Variants in NBEA observed in about 807,000 individuals in gnomAD.
NBEA encodes lysosomal-trafficking regulator 2.
Under a neutral mutation model 343.4 loss-of-function variants are expected in NBEA, and 44 were observed. The observed-to-expected ratio is 0.13, with a 90% CI of 0.10 to 0.16. The LOEUF is 0.16. Among genes scored for constraint, NBEA ranks in the 10% least tolerant of loss-of-function variants. The pLI is 1.00. For missense variants in NBEA, 2,555 were observed against 3,631.3 expected, an observed-to-expected ratio of 0.70 and a Z score of 7.62; for synonymous variants, 1,175 against 1,238.7, an observed-to-expected ratio of 0.95 and a Z score of 1.08.
chr13:34,983,903 A>G (rs186459145), intron 1 of NBEA, among the ~76,000 whole-genome samples: 1 of 152,256 alleles, frequency 6.6e-6, no homozygotes, highest in East Asian at 1.9e-4. Flanking sequence ...AGTTCTTTGT[A>G]GATTGTGGAT....
chr13:35,475,371 G>C, intron 41 of NBEA: 1 of 1,613,926 alleles, frequency 6.2e-7, no homozygotes, highest in Non-Finnish European at 8.5e-7. Flanking sequence ...GATCCCTTAA[G>C]GTTTTGAGGA....
intron 26 of NBEA, among the ~76,000 whole-genome samples, chr13:35,173,119 G>GA (rs1365484663): frequency 4.2e-5 from 1 of 23,562 alleles, no homozygotes; most frequent in Non-Finnish European, 1.3e-4. Context: ...TGAATTTTAT[G>GA]TTTAAAATAT....
rs1358075194 is a variant in NBEA at position 35,596,781 on chromosome 13, A to C, written c.7296+3334A>C. 3.9e-5 allele frequency among the ~76,000 whole-genome samples: 6 copies of C among 152,288 alleles called. No individual in the cohort carries two copies. The East Asian group carries it at 1.2e-3, about 29-fold the overall frequency. ...AGATGTCAGAAAAGGTAGCTGTGAC[A>C]AAATGTCATTAAGGTGACATAGTGT... On this transcript the variant is annotated intron_variant, in intron 47 of 58. Coordinates refer to ENST00000379939, the MANE Select transcript of NBEA (RefSeq NM_001385012.1).
chr13:35,212,435 C>G (rs914206793), intron 33 of NBEA, among the ~76,000 whole-genome samples: 1 of 151,838 alleles, frequency 6.6e-6, no homozygotes, highest in Non-Finnish European at 1.5e-5. Context: ...TTTTCCATTT[C>G]TTAGTTATTA....
intron 38 of NBEA, among the ~76,000 whole-genome samples, chr13:35,425,603 C>G (rs1289218162): frequency 6.6e-6 from 1 of 152,112 alleles, no homozygotes; most frequent in Non-Finnish European, 1.5e-5. Context: ...TGGTGTGGTG[C>G]TGAAAAGAAT....
chr13:34,951,923 TA>T (rs1328383199), intron 1 of NBEA, among the ~76,000 whole-genome samples: 1 of 152,232 alleles, frequency 6.6e-6, no homozygotes, highest in Non-Finnish European at 1.5e-5. Flanking sequence ...TTTTAGAAAC[TA>T]ACATTAGCCT....
chr13:35,479,437 G>A (rs1211610762), intron 41 of NBEA, among the ~76,000 whole-genome samples: 1 of 152,174 alleles, frequency 6.6e-6, no homozygotes, highest in Admixed American at 6.5e-5. Context: ...CATTGTTGAA[G>A]CGAGAATTAA....
intron 36 of NBEA, among the ~76,000 whole-genome samples, chr13:35,322,470 A>C (rs751533776): frequency 1.3e-5 from 2 of 152,084 alleles, no homozygotes; most frequent in African/African-American, 2.4e-5. Flanking sequence ...TAGTCATCCC[A>C]ATGAGATGAG....
chr13:35,582,381 T>C (rs1214233466), intron 45 of NBEA, among the ~76,000 whole-genome samples: 1 of 152,174 alleles, frequency 6.6e-6, no homozygotes, highest in Admixed American at 6.5e-5. Context: ...TAGCAATTAC[T>C]TTTACCAATA....
chr13:35,418,948 G>A lies in NBEA; in HGVS notation c.6180-13321G>A, dbSNP rs146743252. Among the ~76,000 whole-genome samples the A allele has an allele frequency of 5.5e-3, 840 of 152,028 alleles. 6 individuals carry two copies. The highest frequency in any genetic ancestry group is 9.5e-3 in the Non-Finnish European group (644 of 67,942). On this transcript the variant is annotated intron_variant, in intron 38 of 58. Transcript: ENST00000379939. ...TTTGGAATATTTGCATGTACATAAT[G>A]AGATATCTTGGGGATGGGACCCAAG...
intron 35 of NBEA, among the ~76,000 whole-genome samples, chr13:35,309,146 G>A (rs2037191362): frequency 6.6e-6 from 1 of 151,920 alleles, no homozygotes; most frequent in African/African-American, 2.4e-5. Flanking sequence ...TTATCTTAAT[G>A]TAAAATTTCT....
chr13:35,508,271 A>C (rs1052052933), intron 41 of NBEA, among the ~76,000 whole-genome samples: 1 of 152,206 alleles, frequency 6.6e-6, no homozygotes, highest in African/African-American at 2.4e-5. Context: ...TTGGGAAAGT[A>C]TAAGGGACAG....
intron 34 of NBEA, among the ~76,000 whole-genome samples, chr13:35,276,637 A>C (rs1468737399): frequency 6.6e-6 from 1 of 152,226 alleles, no homozygotes; most frequent in Non-Finnish European, 1.5e-5. Context: ...ACGTTAGAGA[A>C]ATATGTAAAC....
At chr13:35,421,300 G>A (rs2044256475) in intron 38 of NBEA, among the ~76,000 whole-genome samples, 1 of 151,712 alleles carries the variant, frequency 6.6e-6, no homozygotes, top group Non-Finnish European at 1.5e-5. Context: ...TTAGAATTCT[G>A]TTTTGATTTA....
At chr13:35,057,972 T>C (rs983699961) in intron 7 of NBEA, among the ~76,000 whole-genome samples, 32 of 152,142 alleles carry the variant, frequency 2.1e-4, no homozygotes, top group African/African-American at 7.7e-4. Flanking sequence ...ATATATAATT[T>C]TTGCTTATTC....
intron 1 of NBEA, among the ~76,000 whole-genome samples, chr13:34,954,407 G>T (rs1471967828): frequency 6.6e-6 from 1 of 152,160 alleles, no homozygotes; most frequent in African/African-American, 2.4e-5. Context: ...GTGGTGTTTA[G>T]TGAACTTTAC....
In NBEA at chr13:35,321,520, G is replaced by T. The variant is rs145476449; in HGVS notation, c.5903+11928G>T. 3.5e-3 allele frequency among the ~76,000 whole-genome samples: 527 copies of T among 152,260 alleles called. 2 individuals are homozygous for T. Among genetic ancestry groups the T allele is most frequent in the African/African-American group, 0.012 (486 of 41,564 alleles). On this transcript the variant is annotated intron_variant, in intron 36 of 58. Coordinates refer to ENST00000379939, the MANE Select transcript of NBEA (RefSeq NM_001385012.1). ...GCCAGCTGGAGCTCTCCTGTATGAG[G>T]TGTCTCTTGACCCCTGCTGGGAGGT...
In NBEA at chr13:35,142,334, A is replaced by T. The variant is rs369043494; in HGVS notation, c.2402A>T (p.His801Leu). 7 of 1,613,226 alleles carry T rather than the reference A, an allele frequency of 4.3e-6. No homozygotes were observed. Among genetic ancestry groups the T allele is most frequent in the Non-Finnish European group, 5.9e-6 (7 of 1,179,538 alleles). The change falls in exon 18 of 59, where the codon CAT (histidine) becomes CTT (leucine). Residue 801 changes from histidine (H) to leucine (L), a missense_variant. By Grantham distance (99) the His-to-Leu change is moderately conservative. Coordinates refer to ENST00000379939, the MANE Select transcript of NBEA (RefSeq NM_001385012.1). ...CTTCTTGGAGAAAGGCTGATGTTGC[A>T]TACAAACACTGTGACTGTCACCACA... ...FTLLGERLML[H>L]TNTVTVTTYN...
At chr13:35,293,062 A>T (rs192622604) in intron 35 of NBEA, among the ~76,000 whole-genome samples, 2 of 151,938 alleles carry the variant, frequency 1.3e-5, no homozygotes, top group East Asian at 1.9e-4. Flanking sequence ...ATTATTAAGG[A>T]TATTAGCTTT....
Sources: allele counts gnomAD v4.1 joint callset (sites outside exome capture counted in the v4.1 genomes callset), GRCh38; gene constraint gnomAD v4.1.1; transcripts MANE v1.5; gene names NCBI Gene and HGNC (gene_info 2026-07-23, HGNC 2026-07-21).